Variants in ZFHX4 observed in about 807,000 individuals in gnomAD.
The protein encoded by ZFHX4 is zinc finger homeobox protein 4.
A neutral mutation model predicts 267.6 loss-of-function variants in ZFHX4; 56 were observed. The observed-to-expected ratio is 0.21, with a 90% CI of 0.17 to 0.26. The LOEUF is 0.26. ZFHX4 is among the 10% of genes least tolerant of loss of function. The pLI is 1.00. For missense variants in ZFHX4, 4,332 were observed against 4,420.0 expected (o/e 0.98, Z 0.56); for synonymous variants, 1,778 against 1,665.6 (o/e 1.07, Z -1.64).
At chr8:76,714,475 A>G (rs1057113322) in intron 3 of ZFHX4, among the ~76,000 whole-genome samples, 4 of 152,178 alleles carry the variant, frequency 2.6e-5, no homozygotes, top group African/African-American at 9.7e-5. Flanking sequence ...TTATCAGCCT[A>G]TTCCAGGAGA....
At chr8:76,695,258 C>G (rs1373360807) in intron 1 of ZFHX4, among the ~76,000 whole-genome samples, 2 of 152,134 alleles carry the variant, frequency 1.3e-5, no homozygotes, top group African/African-American at 4.8e-5. Context: ...TCATCAATTT[C>G]AAAACTGAAG....
In ZFHX4 at chr8:76,852,520, A is replaced by G; in HGVS notation, c.5599A>G (p.Lys1867Glu). ...AGAAGATATTTCTGAAAAGCCAGAA[A>G]AACCAAAGCAGGAATTTATAAGTGA... ...EAEDISEKPE[K>E]PKQEFISEGE... Residue 1867 changes from lysine (K) to glutamate (E), a missense_variant, in exon 10 of 11, where the codon AAA (lysine) becomes GAA (glutamate). Physicochemically the swap from Lys to Glu is moderately conservative, Grantham distance 56. Transcript: ENST00000651372. 6.2e-7 allele frequency: 1 copy of G among 1,607,934 alleles called. No individual in the cohort carries two copies.
In ZFHX4 at chr8:76,706,587, A is replaced by C. The variant is rs1405828455; in HGVS notation, c.2499A>C (p.Gly833=). ...YYLAQNIGLT[G]MKLENPADPQ... ...TAGCCCAGAACATAGGCCTGACCGGAATGAAGCTGGAAAACCCTGCCGACC... is the reference window on the plus strand; with the variant it reads ...TAGCCCAGAACATAGGCCTGACCGGCATGAAGCTGGAAAACCCTGCCGACC... The change falls in exon 2 of 11, where the codon GGA becomes GGC. Residue 833 remains glycine, a synonymous_variant. Transcript: ENST00000651372. 2.5e-6 allele frequency: 4 copies of C among 1,610,792 alleles called. No individual in the cohort carries two copies. Among genetic ancestry groups the C allele is most frequent in the Non-Finnish European group, 3.4e-6 (4 of 1,178,702 alleles).
intron 4 of ZFHX4, among the ~76,000 whole-genome samples, chr8:76,793,600 A>G (rs1005426940): frequency 6.6e-6 from 1 of 152,294 alleles, no homozygotes; most frequent in South Asian, 2.1e-4. Flanking sequence ...TATAAAAATG[A>G]TTTCACTTTA....
Position 76,855,473 on chromosome 8 carries a change from C to G in ZFHX4, c.8552C>G (p.Pro2851Arg), listed in dbSNP as rs769744583. The part of the protein sequence containing the change: ...EPKTLDTLPK[P>R]ATTPTTEVCD... ...AAAACTCTGGATACTCTGCCAAAAC[C>G]TGCAACCACACCTACCACGGAGGTC... Residue 2851 changes from proline to arginine, a missense_variant, in exon 10 of 11, where the codon CCT becomes CGT. Pro to Arg is a moderately radical substitution (Grantham distance 103). Around this residue, in one of 7 missense-constraint regions of ZFHX4, gnomAD observed 1,648 missense variants for 1,625.0 expected, o/e 1.01. Coordinates refer to ENST00000651372, the MANE Select transcript of ZFHX4 (RefSeq NM_024721.5). 1.9e-6 allele frequency: 3 copies of G among 1,613,670 alleles called. No homozygotes were observed. The African/African-American group carries it at 4.0e-5, about 22-fold the overall frequency.
At chr8:76,736,515 T>C (rs917651101) in intron 3 of ZFHX4, among the ~76,000 whole-genome samples, 5 of 152,096 alleles carry the variant, frequency 3.3e-5, no homozygotes, top group African/African-American at 1.2e-4. Flanking sequence ...TAGACAAACA[T>C]AAGAGCTATA....
chr8:76,852,252 C>T lies in ZFHX4; in HGVS notation c.5331C>T (p.Asp1777=). 1.2e-6 allele frequency: 2 copies of T among 1,601,852 alleles called. No individual in the cohort carries two copies. Among genetic ancestry groups the T allele is most frequent in the South Asian group, 1.1e-5 (1 of 89,916 alleles). ...MTGMAGSLLE[D]LKQQIQTQHH... is the part of the protein sequence containing the mutation. ...GAATGGCTGGCTCCTTGCTTGAAGACCTAAAGCAGCAGATTCAAACCCAAC... is the reference window on the plus strand; with the variant it reads ...GAATGGCTGGCTCCTTGCTTGAAGATCTAAAGCAGCAGATTCAAACCCAAC... Residue 1777 remains aspartate (D), a synonymous_variant, in exon 10 of 11, where the codon GAC becomes GAT. Coordinates refer to ENST00000651372, the MANE Select transcript of ZFHX4 (RefSeq NM_024721.5).
intron 3 of ZFHX4, among the ~76,000 whole-genome samples, chr8:76,716,900 C>T (rs1808590217): frequency 6.6e-6 from 1 of 152,156 alleles, no homozygotes; most frequent in African/African-American, 2.4e-5. Flanking sequence ...ACTTCTAGTG[C>T]CTGAGCTCTC....
rs7826143 is a variant in ZFHX4 at position 76,793,971 on chromosome 8, A to G, written c.3325+15532A>G. ...CTCCACTTAAAATTGATCTTCTTCTATAGGAAAACCTGACCTTGATGCCCG... is the reference window on the plus strand; with the variant it reads ...CTCCACTTAAAATTGATCTTCTTCTGTAGGAAAACCTGACCTTGATGCCCG... On this transcript the variant is annotated intron_variant, in intron 4 of 10. Transcript: ENST00000651372. Among the ~76,000 whole-genome samples, 1,096 of 152,300 alleles carry G rather than the reference A, an allele frequency of 7.2e-3. 14 individuals are homozygous for G. The highest frequency in any genetic ancestry group is 0.024 in the African/African-American group (994 of 41,564).
chr8:76,687,230 G>A (rs577450344), intron 1 of ZFHX4, among the ~76,000 whole-genome samples: 2 of 152,312 alleles, frequency 1.3e-5, no homozygotes, highest in Admixed American at 1.3e-4. Context: ...TCTCCATGGA[G>A]ACTGGTTTAA....
rs781583220 is a variant in ZFHX4, at chr8:76,851,039, C to A, written c.4118C>A (p.Thr1373Lys). ...NSSKDVKIPD[T>K]LQDQLNEQQK... ...AGTAAGGATGTGAAAATCCCCGACACACTGCAAGATCAATTAAATGAACAG... is the reference window on the plus strand; with the variant it reads ...AGTAAGGATGTGAAAATCCCCGACAAACTGCAAGATCAATTAAATGAACAG... The change falls in exon 10 of 11, where the codon ACA (threonine) becomes AAA (lysine). Residue 1373 changes from threonine to lysine, a missense_variant. By Grantham distance (78) the Thr-to-Lys change is moderately conservative (BLOSUM62 -1). Coordinates refer to ENST00000651372, the MANE Select transcript of ZFHX4 (RefSeq NM_024721.5). 160 of 1,613,954 alleles carry A rather than the reference C, an allele frequency of 9.9e-5. 2 individuals are homozygous for A. The Middle Eastern group carries it at 1.6e-3, about 17-fold the overall frequency.
intron 3 of ZFHX4, among the ~76,000 whole-genome samples, chr8:76,773,562 G>A (rs1008903084): frequency 6.6e-6 from 1 of 152,098 alleles, no homozygotes; most frequent in Non-Finnish European, 1.5e-5. Context: ...CTGTTTGGGT[G>A]ATACAAAAGA....
chr8:76,710,586 A>G (rs1311988611), intron 3 of ZFHX4, among the ~76,000 whole-genome samples: 1 of 152,232 alleles, frequency 6.6e-6, no homozygotes, highest in Non-Finnish European at 1.5e-5. Flanking sequence ...ATTCATTTTC[A>G]TTAGGAGTTT....
chr8:76,771,253 G>A (rs1175664175), intron 3 of ZFHX4, among the ~76,000 whole-genome samples: 1 of 151,950 alleles, frequency 6.6e-6, no homozygotes, highest in Non-Finnish European at 1.5e-5. Context: ...CTGAAATTAT[G>A]TACTTATTTA....
In ZFHX4 at chr8:76,834,944, G is replaced by T. The variant is rs537662498; in HGVS notation, c.3394+1538G>T. On this transcript the variant is annotated intron_variant, in intron 5 of 10. Coordinates refer to ENST00000651372, the MANE Select transcript of ZFHX4 (RefSeq NM_024721.5). ...CTGAAGGATATAAGGTTTGTGTCTG[G>T]ACTCTTTTTTTTTTCTTTTTTGTGG... 4.0e-5 allele frequency among the ~76,000 whole-genome samples: 6 copies of T among 150,904 alleles called. No homozygotes were observed. In the East Asian group the frequency reaches 9.7e-4, roughly 24 times the overall value.
intron 4 of ZFHX4, among the ~76,000 whole-genome samples, chr8:76,806,209 G>A (rs566632024): frequency 1.6e-4 from 24 of 152,082 alleles, no homozygotes; most frequent in African/African-American, 5.3e-4. Context: ...CAAATAACAC[G>A]TAGCATGATC....
chr8:76,705,605 G>T lies in ZFHX4; in HGVS notation c.1517G>T (p.Ser506Ile), dbSNP rs1052311239. The T allele has an allele frequency of 6.2e-7, 1 of 1,613,714 alleles. No individual in the cohort carries two copies. The highest frequency in any genetic ancestry group is 8.5e-7 in the Non-Finnish European group (1 of 1,179,828). ...GNKDFPLLNQSISPLSSSVLK... is the reference protein window; with the variant it reads ...GNKDFPLLNQIISPLSSSVLK... ...AAAGATTTCCCTCTCTTAAACCAAA[G>T]CATTTCTCCTTTATCATCCAGTGTG... The change falls in exon 2 of 11, where the codon AGC (serine) becomes ATC (isoleucine). Residue 506 changes from serine to isoleucine, a missense_variant. Coordinates refer to ENST00000651372, the MANE Select transcript of ZFHX4 (RefSeq NM_024721.5).
At chr8:76,792,177 A>G (rs144159563) in intron 4 of ZFHX4, among the ~76,000 whole-genome samples, 393 of 152,294 alleles carry the variant, frequency 2.6e-3, no homozygotes, top group African/African-American at 8.8e-3. Context: ...GTGATTCTGT[A>G]ACGTAACAGC....
chr8:76,707,740 T>C lies in ZFHX4; in HGVS notation c.2785T>C (p.Ser929Pro), dbSNP rs1196498297. 1.2e-6 allele frequency: 2 copies of C among 1,613,704 alleles called. No homozygotes were observed. The highest frequency in any genetic ancestry group is 1.7e-6 in the Non-Finnish European group (2 of 1,179,820). ...ALSVHVSSER[S>P]LPEEEWRAVI... ...AAGTGTGCATGTGAGCAGTGAGCGC[T>C]CTCTCCCTGAAGAGGAATGGAGGGC... is the stretch of plus-strand genomic sequence containing the variant. Residue 929 changes from serine (S) to proline (P), a missense_variant, in exon 3 of 11, where the codon TCT becomes CCT. Physicochemically the swap from Ser to Pro is moderately conservative, Grantham distance 74. Around this residue, in one of 7 missense-constraint regions of ZFHX4, gnomAD observed 1,195 missense variants for 1,173.6 expected, o/e 1.02. Coordinates refer to ENST00000651372, the MANE Select transcript of ZFHX4 (RefSeq NM_024721.5).
Sources: allele counts gnomAD v4.1 joint callset (sites outside exome capture counted in the v4.1 genomes callset), GRCh38; gene constraint gnomAD v4.1.1; regional missense constraint gnomAD v4.1.1; transcripts MANE v1.5; gene names NCBI Gene and HGNC (gene_info 2026-07-23, HGNC 2026-07-21).